CTXND1: variants seen among roughly 807,000 people sequenced by gnomAD.
CTXND1 encodes the protein cortexin domain-containing 1 protein.
intron 1 of CTXND1, among the ~76,000 whole-genome samples, chr15:80,205,604 T>TTAGAAAAC (rs1240508856): frequency 6.6e-6 from 1 of 152,176 alleles, no homozygotes; most frequent in African/African-American, 2.4e-5. Context: ...AGTTTTTTCC[T>TTAGAAAAC]TAGAAAACTG....
chr15:80,220,759 T>C (rs1420093961), intron 1 of CTXND1, among the ~76,000 whole-genome samples: 1 of 152,112 alleles, frequency 6.6e-6, no homozygotes, highest in Non-Finnish European at 1.5e-5. Context: ...TGTTTATTTC[T>C]AGGTATTTTG....
chr15:80,224,281 G>A (rs1226143083), intron 1 of CTXND1, among the ~76,000 whole-genome samples: 3 of 152,158 alleles, frequency 2.0e-5, no homozygotes, highest in Non-Finnish European at 4.4e-5. Flanking sequence ...AGTGAGAACA[G>A]CCTAGCTGAG....
At chr15:80,204,458 C>T (rs995624804) in intron 1 of CTXND1, among the ~76,000 whole-genome samples, 5 of 151,024 alleles carry the variant, frequency 3.3e-5, no homozygotes, top group East Asian at 1.9e-4. Context: ...TCCCCCAGCC[C>T]GGGGCGGCCA....
rs1385544629 is a variant in CTXND1, at chr15:80,199,293, G to A, written c.*2477C>T. ...TACGTAGGTCTGGAGGGGGCTGTGA[G>A]TTTGGGTTTCTAACAAGCTCCTCAA... On this transcript the variant is annotated 3_prime_UTR_variant, in exon 3 of 3. Coordinates refer to ENST00000560778, the MANE Select transcript of CTXND1 (RefSeq NM_001352888.2). 6.6e-6 allele frequency: 1 copy of A among 152,230 alleles called. No homozygotes were observed. The highest frequency in any genetic ancestry group is 6.5e-5 in the Admixed American group (1 of 15,278). The allele number at this position is 152,230 out of a possible 1,614,324, so 9.4% of individuals were successfully genotyped here. A position where few individuals can be genotyped will look rare whatever the true frequency, so the allele number is the denominator to read the frequency against.
chr15:80,227,272 G>A (rs189330594), intron 1 of CTXND1, among the ~76,000 whole-genome samples: 1 of 152,144 alleles, frequency 6.6e-6, no homozygotes, highest in East Asian at 1.9e-4. Context: ...TCCTTTATAG[G>A]CACCTACCTC....
intron 1 of CTXND1, among the ~76,000 whole-genome samples, chr15:80,250,670 C>A (rs941002456): frequency 2.0e-5 from 3 of 152,124 alleles, no homozygotes. Context: ...AACAGTTTTC[C>A]CAAGGACGTA....
chr15:80,202,409 G>A (rs991187009), intron 2 of CTXND1, among the ~76,000 whole-genome samples: 23 of 152,310 alleles, frequency 1.5e-4, no homozygotes, highest in Non-Finnish European at 1.2e-4. Context: ...GCCACTATCT[G>A]AGGGTGATCT....
At chr15:80,217,420 A>AT (rs1356101467) in intron 1 of CTXND1, among the ~76,000 whole-genome samples, 2 of 152,058 alleles carry the variant, frequency 1.3e-5, no homozygotes, top group South Asian at 2.1e-4. Flanking sequence ...AATGGAATCT[A>AT]TTTTTTTGTA....
At position 80,196,756 on chromosome 15, in the gene CTXND1, A is replaced by G. The variant is rs1023118893; in HGVS notation, c.*5014T>C. On this transcript the variant is annotated 3_prime_UTR_variant, in exon 3 of 3. Transcript: ENST00000560778. ...CTTCTTTTGCTCCAGTGTGCTGCCTATGTGGACCGTATCACCCAGGGTCCC... is the reference window on the plus strand; with the variant it reads ...CTTCTTTTGCTCCAGTGTGCTGCCTGTGTGGACCGTATCACCCAGGGTCCC... 2 of 152,214 alleles carry G rather than the reference A, an allele frequency of 1.3e-5. No homozygotes were observed. The highest frequency in any genetic ancestry group is 2.1e-4 in the South Asian group (1 of 4,828). The allele number at this position is 152,214 out of a possible 1,614,324, so 9.4% of individuals were successfully genotyped here. A position where few individuals can be genotyped will look rare whatever the true frequency, so the allele number is the denominator to read the frequency against.
intron 1 of CTXND1, among the ~76,000 whole-genome samples, chr15:80,222,369 A>G (rs1212128640): frequency 1.3e-5 from 2 of 152,140 alleles, no homozygotes; most frequent in Non-Finnish European, 2.9e-5. Context: ...CCCAGGTAAC[A>G]TATCATTTTG....
At chr15:80,247,225 TTGA>T (rs1893641754) in intron 1 of CTXND1, among the ~76,000 whole-genome samples, 1 of 152,110 alleles carries the variant, frequency 6.6e-6, no homozygotes. Flanking sequence ...TGCTAAGGTG[TTGA>T]TGACTAGATC....
At position 80,250,262 on chromosome 15, in the gene CTXND1, C is replaced by G. The variant is rs138723038; in HGVS notation, c.-218+1745G>C. Among the ~76,000 whole-genome samples, 57 of 151,986 alleles carry G rather than the reference C, an allele frequency of 3.8e-4. No individual in the cohort carries two copies. In the East Asian group the frequency reaches 7.7e-3, roughly 21 times the overall value. On this transcript the variant is annotated intron_variant, in intron 1 of 2. Transcript: ENST00000560778. ...TTCATTAACCCTGTAAGGAAAGGAA[C>G]TGGAAAGACACACGCAATTCTGTAA...
In CTXND1 at chr15:80,252,151, C is replaced by T. The variant is rs1893705202; in HGVS notation, c.-362G>A. 1 of 151,424 alleles carries T rather than the reference C, an allele frequency of 6.6e-6. No homozygotes were observed. Among genetic ancestry groups the T allele is most frequent in the African/African-American group, 2.4e-5 (1 of 41,342 alleles). 9.4% of individuals were successfully genotyped at this position (151,424 alleles called of 1,614,324 possible). A position where few individuals can be genotyped will look rare whatever the true frequency, so the allele number is the denominator to read the frequency against. On this transcript the variant is annotated 5_prime_UTR_variant, in exon 1 of 3. Coordinates refer to ENST00000560778, the MANE Select transcript of CTXND1 (RefSeq NM_001352888.2). ...CGGGGGGCGCTGCCCAGGCCCGGCT[C>T]GGCAGGAGTCAGAGCCCCCAGCGGC... is the stretch of plus-strand genomic sequence containing the variant.
intron 1 of CTXND1, among the ~76,000 whole-genome samples, chr15:80,215,140 TTGGGCTCCAGTCCAGC>T (rs1374812575): frequency 6.6e-6 from 1 of 152,202 alleles, no homozygotes; most frequent in Admixed American, 6.5e-5. Flanking sequence ...TTGGCCCAAG[TTGGGCTCCAGTCCAGC>T]AGCCAGACCA....
chr15:80,218,747 T>A (rs1893280883), intron 1 of CTXND1, among the ~76,000 whole-genome samples: 1 of 152,056 alleles, frequency 6.6e-6, no homozygotes, highest in South Asian at 2.1e-4. Context: ...TGTTTCCTTT[T>A]TAAAAAGGAA....
At chr15:80,205,617 T>C (rs1347988023) in intron 1 of CTXND1, among the ~76,000 whole-genome samples, 2 of 152,170 alleles carry the variant, frequency 1.3e-5, no homozygotes, top group Non-Finnish European at 2.9e-5. Flanking sequence ...GAAAACTGAC[T>C]CTCAGGCAAG....
chr15:80,232,458 GC>G (rs1893441850), intron 1 of CTXND1, among the ~76,000 whole-genome samples: 1 of 152,162 alleles, frequency 6.6e-6, no homozygotes, highest in African/African-American at 2.4e-5. Context: ...CTAACAAACA[GC>G]CTTTAATGAT....
chr15:80,233,950 A>C (rs1372620397), intron 1 of CTXND1, among the ~76,000 whole-genome samples: 1 of 152,166 alleles, frequency 6.6e-6, no homozygotes, highest in Non-Finnish European at 1.5e-5. Flanking sequence ...GAATGGGGTC[A>C]CCACCATGGG....
chr15:80,215,406 G>A (rs1384877945), intron 1 of CTXND1, among the ~76,000 whole-genome samples: 1 of 152,184 alleles, frequency 6.6e-6, no homozygotes, highest in Non-Finnish European at 1.5e-5. Context: ...AAGTCCCCAA[G>A]GTGCTTATTT....
Sources: gnomAD v4.1 joint callset for allele counts (sites outside exome capture counted in the v4.1 genomes callset) on GRCh38, gnomAD v4.1.1 for gene constraint, MANE v1.5 for transcripts, NCBI Gene and HGNC (gene_info 2026-07-23, HGNC 2026-07-21) for gene names.